Variants in TRPC4AP observed in about 807,000 individuals in gnomAD.
TRPC4AP encodes the protein transient receptor potential cation channel subfamily C member 4 associated protein.
A neutral mutation model predicts 99.0 loss-of-function variants in TRPC4AP; 45 were observed. That is an observed-to-expected ratio of 0.45 (90% CI 0.36 to 0.58). TRPC4AP has a LOEUF of 0.58. Ranked by LOEUF, TRPC4AP falls within the 20% of genes least tolerant of loss-of-function variation. The pLI is 0.00. For synonymous variants in TRPC4AP, 408 were observed against 385.8 expected (o/e 1.06, Z -0.67); for missense variants, 879 against 985.3 (o/e 0.89, Z 1.44).
intron 8 of TRPC4AP, 86 bp from the exon 9 acceptor site, chr20:35,021,442 T>A: frequency 6.9e-7 from 1 of 1,454,792 alleles, no homozygotes; most frequent in Admixed American, 2.1e-5. Context: ...AACAGACTTG[T>A]AGCATGGCCA....
intron 12 of TRPC4AP, among the ~76,000 whole-genome samples, chr20:35,009,621 A>G (rs1210302410): frequency 6.6e-6 from 1 of 152,226 alleles, no homozygotes; most frequent in Admixed American, 6.5e-5. Flanking sequence ...GCAGCCTGAG[A>G]GAAAGAGCAA....
chr20:35,040,138 G>A (rs186196619), intron 7 of TRPC4AP, among the ~76,000 whole-genome samples: 39 of 151,804 alleles, frequency 2.6e-4, no homozygotes, highest in African/African-American at 8.2e-4. Flanking sequence ...ATATGACTGC[G>A]TTTTGAAACA....
Position 35,024,853 on chromosome 20 carries a change from A to AC in TRPC4AP, c.1052-3498_1052-3497insG, listed in dbSNP as rs1245720446. ...AAAAAAAAAAAAAAAAAAAAAAAAA[A>AC]AATTCTGTTTATTCATTAATCAGGT... is the stretch of plus-strand genomic sequence containing the variant. On this transcript the variant is annotated intron_variant, in intron 8 of 18. Coordinates refer to ENST00000252015, the MANE Select transcript of TRPC4AP (RefSeq NM_015638.3). 6.1e-5 allele frequency among the ~76,000 whole-genome samples: 8 copies of AC among 130,826 alleles called. 1 individual carries two copies. The highest frequency in any genetic ancestry group is 2.0e-4 in the African/African-American group (7 of 34,432). The allele number at this position is 130,826 out of a possible 152,430, so 85.8% of individuals were successfully genotyped here.
At chr20:35,035,020 C>A (rs1414382031) in intron 8 of TRPC4AP, 103 bp downstream of exon 8, 7 of 1,306,482 alleles carry the variant, frequency 5.4e-6, no homozygotes, top group Non-Finnish European at 7.4e-6. Context: ...CAATTCTACT[C>A]TGAGCAAATC....
In TRPC4AP at chr20:35,066,298, G is replaced by A. The variant is rs554493409; in HGVS notation, c.414+2998C>T. On this transcript the variant is annotated intron_variant, in intron 3 of 18. Coordinates refer to ENST00000252015, the MANE Select transcript of TRPC4AP (RefSeq NM_015638.3). ...TTTTTTTAATTTTTAGTAGTGATGG[G>A]GTTTTGCCGTGTTGCCCAGGCTGGT... 2.0e-5 allele frequency among the ~76,000 whole-genome samples: 3 copies of A among 152,088 alleles called. No homozygotes were observed. The East Asian group carries it at 5.8e-4, about 29-fold the overall frequency.
chr20:35,054,316 T>G (rs1261254054), intron 5 of TRPC4AP, among the ~76,000 whole-genome samples: 2 of 152,212 alleles, frequency 1.3e-5, no homozygotes, highest in Non-Finnish European at 2.9e-5. Context: ...AGGTACTGTA[T>G]CTTTTAAAAA....
intron 7 of TRPC4AP, among the ~76,000 whole-genome samples, chr20:35,042,238 G>C (rs1221106613): frequency 6.6e-6 from 1 of 152,186 alleles, no homozygotes; most frequent in African/African-American, 2.4e-5. Context: ...AATCTAGAGA[G>C]AGAATAAACT....
chr20:35,076,087 G>A (rs1325258573), intron 2 of TRPC4AP, among the ~76,000 whole-genome samples: 5 of 152,040 alleles, frequency 3.3e-5, no homozygotes, highest in Admixed American at 6.6e-5. Flanking sequence ...CGTAGTTTTC[G>A]AGCCATGGTG....
At chr20:35,010,957 C>T (rs903666521) in intron 11 of TRPC4AP, among the ~76,000 whole-genome samples, 17 of 152,102 alleles carry the variant, frequency 1.1e-4, no homozygotes, top group Admixed American at 1.1e-3. Context: ...TTGAAAATGC[C>T]GTTAAGTTGA....
In TRPC4AP at chr20:35,067,147, T is replaced by C. The variant is rs143645491; in HGVS notation, c.414+2149A>G. 1.7e-3 allele frequency among the ~76,000 whole-genome samples: 257 copies of C among 152,252 alleles called. 3 individuals carry two copies. In the East Asian group the frequency reaches 0.021, roughly 13 times the overall value. On this transcript the variant is annotated intron_variant, in intron 3 of 18. Coordinates refer to ENST00000252015, the MANE Select transcript of TRPC4AP (RefSeq NM_015638.3). Reference sequence around the variant, plus strand: ...TCATTGGCAATCAGAGAAATTCAAATCAAGACCACAATGAGATGTCTCTTC... The same window carrying C: ...TCATTGGCAATCAGAGAAATTCAAACCAAGACCACAATGAGATGTCTCTTC...
chr20:35,013,307 G>T (rs929791504), intron 10 of TRPC4AP, among the ~76,000 whole-genome samples: 2 of 152,140 alleles, frequency 1.3e-5, no homozygotes, highest in Non-Finnish European at 2.9e-5. Context: ...AAGGCGGGGC[G>T]TGGTGGTTAC....
Position 35,016,128 on chromosome 20 carries a change from C to T in TRPC4AP, c.1230G>A (p.Met410Ile). 1 of 1,614,188 alleles carries T rather than the reference C, an allele frequency of 6.2e-7. No homozygotes were observed. Among genetic ancestry groups the T allele is most frequent in the Non-Finnish European group, 8.5e-7 (1 of 1,180,038 alleles). ...CAGGGATCAGCTTGAACTCTGCAAT[C>T]ATTCTGTGAACCTGAATGGGATAGG... ...MGRQRNQVHR[M>I]IAEFKLIPGL... Residue 410 changes from methionine (M) to isoleucine (I), a missense_variant, in exon 10 of 19, where the codon ATG (methionine) becomes ATA (isoleucine). By Grantham distance (10) the Met-to-Ile change is conservative. This residue lies in a region of TRPC4AP where 603 missense variants were observed against 631.8 expected (regional missense o/e 0.95). Transcript: ENST00000252015.
chr20:35,031,435 C>T (rs1371056837), intron 8 of TRPC4AP, among the ~76,000 whole-genome samples: 6 of 135,108 alleles, frequency 4.4e-5, no homozygotes, highest in Admixed American at 1.5e-4. Flanking sequence ...GGGGTTTTGC[C>T]ACATTCCCCA....
chr20:35,058,880 G>A (rs1038951872), intron 3 of TRPC4AP, among the ~76,000 whole-genome samples: 1 of 151,754 alleles, frequency 6.6e-6, no homozygotes, highest in African/African-American at 2.4e-5. Context: ...GTAGAAACGA[G>A]GTTTTGCCAT....
intron 3 of TRPC4AP, among the ~76,000 whole-genome samples, chr20:35,058,643 A>G (rs2083899127): frequency 6.6e-6 from 1 of 151,912 alleles, no homozygotes; most frequent in African/African-American, 2.4e-5. Flanking sequence ...TGGAGTGCTC[A>G]GAGGGAAATT....
intron 1 of TRPC4AP, among the ~76,000 whole-genome samples, chr20:35,088,939 G>A (rs940887088): frequency 6.6e-6 from 1 of 152,100 alleles, no homozygotes; most frequent in African/African-American, 2.4e-5. Context: ...AGGGAGAAAT[G>A]GGAAGTTGTT....
chr20:35,038,490 C>T (rs1335023101), intron 7 of TRPC4AP, among the ~76,000 whole-genome samples: 1 of 151,926 alleles, frequency 6.6e-6, no homozygotes, highest in Non-Finnish European at 1.5e-5. Flanking sequence ...AAAAAGGAAT[C>T]ATATAATTCT....
At chr20:35,062,445 T>C (rs563399016) in intron 3 of TRPC4AP, among the ~76,000 whole-genome samples, 143 of 152,350 alleles carry the variant, frequency 9.4e-4, no homozygotes, top group African/African-American at 3.3e-3. Context: ...CATCAACTGA[T>C]GAATGGATAA....
intron 2 of TRPC4AP, among the ~76,000 whole-genome samples, chr20:35,070,367 A>C (rs2084275157): frequency 6.6e-6 from 1 of 151,412 alleles, no homozygotes. Flanking sequence ...TCTACAACTC[A>C]TTTGTAACAT....
Sources: allele counts gnomAD v4.1 joint callset (sites outside exome capture counted in the v4.1 genomes callset), GRCh38; gene constraint gnomAD v4.1.1; regional missense constraint gnomAD v4.1.1; transcripts MANE v1.5; gene names NCBI Gene and HGNC (gene_info 2026-07-23, HGNC 2026-07-21).